Variants in TENM2 observed in about 807,000 individuals in gnomAD.
TENM2 encodes the protein teneurin transmembrane protein 2, also known as teneurin-2.
In TENM2, 52 loss-of-function variants were observed where a neutral mutation model predicts 245.2. The observed-to-expected ratio is 0.21, with a 90% CI of 0.17 to 0.27. The LOEUF (loss-of-function observed/expected upper bound fraction) is 0.27. Ranked by LOEUF, TENM2 falls within the 10% of genes least tolerant of loss-of-function variation. The pLI is 1.00. For synonymous variants in TENM2, 1,363 were observed against 1,438.9 expected, an observed-to-expected ratio of 0.95 and a Z score of 1.19; for missense variants, 3,046 against 3,666.8, an observed-to-expected ratio of 0.83 and a Z score of 4.37.
At chr5:167,966,006 A>G (rs927942968) in intron 4 of TENM2, among the ~76,000 whole-genome samples, 2 of 152,194 alleles carry the variant, frequency 1.3e-5, no homozygotes, top group African/African-American at 4.8e-5. Context: ...AAGTGGCATA[A>G]GGCGAGAAAT....
intron 2 of TENM2, among the ~76,000 whole-genome samples, chr5:167,553,362 G>C (rs1773077848): frequency 6.6e-6 from 1 of 152,158 alleles, no homozygotes; most frequent in South Asian, 2.1e-4. Flanking sequence ...CTAAACTTTT[G>C]ATAGTACTGT....
chr5:168,162,695 G>C, exon 13 of TENM2: 1 of 1,614,072 alleles, frequency 6.2e-7, no homozygotes, highest in Non-Finnish European at 8.5e-7. Flanking sequence ...ACCGGCTGGA[G>C]AGGGCCCGGA....
At chr5:167,727,356 C>T (rs1226163823) in intron 2 of TENM2, among the ~76,000 whole-genome samples, 2 of 152,192 alleles carry the variant, frequency 1.3e-5, no homozygotes, top group South Asian at 4.1e-4. Context: ...TCGTGATCCT[C>T]CCGCCTCAGC....
the TENM2 span, among the ~76,000 whole-genome samples, chr5:167,044,036 A>AAGGAAGGAAG: frequency 2.4e-4 from 31 of 128,596 alleles, no homozygotes; most frequent in East Asian, 4.7e-3. Flanking sequence ...TAGTAAGGAC[A>AAGGAAGGAAG]GAAGGAAGGA....
intron 1 of TENM2, among the ~76,000 whole-genome samples, chr5:167,312,287 C>T (rs564344469): frequency 6.6e-6 from 1 of 152,328 alleles, no homozygotes; most frequent in African/African-American, 2.4e-5. Flanking sequence ...CATACCATCA[C>T]ATGATTTGAC....
chr5:167,006,185 G>C, the TENM2 span, among the ~76,000 whole-genome samples: 5 of 152,030 alleles, frequency 3.3e-5, no homozygotes, highest in Admixed American at 6.6e-5. Context: ...TGGCCAGGCT[G>C]ACCAGATATA....
At chr5:167,533,179 G>A (rs1032344597) in intron 2 of TENM2, among the ~76,000 whole-genome samples, 1 of 152,112 alleles carries the variant, frequency 6.6e-6, no homozygotes, top group Non-Finnish European at 1.5e-5. Context: ...GTGAAAGATA[G>A]TATGGCTTGG....
At chr5:167,417,790 C>G (rs375389742) in intron 2 of TENM2, among the ~76,000 whole-genome samples, 160 of 152,214 alleles carry the variant, frequency 1.1e-3, no homozygotes, top group Non-Finnish European at 2.1e-3. Flanking sequence ...CATCAACTAC[C>G]GTGCAGCACT....
chr5:167,697,777 A>G (rs1033992798), intron 2 of TENM2, among the ~76,000 whole-genome samples: 3 of 152,122 alleles, frequency 2.0e-5, no homozygotes, highest in African/African-American at 7.2e-5. Flanking sequence ...TGCCCGCCTC[A>G]ACTTCCCAAA....
At chr5:167,123,640 C>T in the TENM2 span, among the ~76,000 whole-genome samples, 3 of 152,286 alleles carry the variant, frequency 2.0e-5, no homozygotes, top group Admixed American at 2.0e-4. Context: ...AAAGGGATGC[C>T]TCATATTCTA....
intron 1 of TENM2, among the ~76,000 whole-genome samples, chr5:167,299,537 C>A (rs1198736421): frequency 1.3e-5 from 2 of 152,108 alleles, no homozygotes; most frequent in Non-Finnish European, 2.9e-5. Context: ...AGATGGAACA[C>A]TGAGAAGTTA....
At chr5:167,958,670 C>G (rs970541726) in intron 4 of TENM2, among the ~76,000 whole-genome samples, 1 of 152,100 alleles carries the variant, frequency 6.6e-6, no homozygotes, top group Non-Finnish European at 1.5e-5. Context: ...GTAAGGCAGG[C>G]CTGGTGGTGA....
rs1208688185 is a variant in TENM2, at chr5:168,262,423, G to A, written c.7938G>A (p.Gly2646=). The A allele has an allele frequency of 5.1e-6, 8 of 1,580,740 alleles. No individual in the cohort carries two copies. The South Asian group carries it at 7.0e-5, about 14-fold the overall frequency. Residue 2646 remains glycine (G), a synonymous_variant, in exon 29 of 29, where the codon GGG becomes GGA. Transcript: ENST00000518659. ...TCGGCCGCAAGGTGCTAGAGAGCGGGGTGAACGTGACCGTGTCCCAGCCCA... is the reference window on the plus strand; with the variant it reads ...TCGGCCGCAAGGTGCTAGAGAGCGGAGTGAACGTGACCGTGTCCCAGCCCA...
At chr5:167,782,199 G>A (rs535329106) in intron 2 of TENM2, among the ~76,000 whole-genome samples, 2 of 150,218 alleles carry the variant, frequency 1.3e-5, no homozygotes, top group African/African-American at 4.9e-5. Flanking sequence ...TGTAATCCCA[G>A]CTACTCGGGA....
chr5:167,111,618 T>G, the TENM2 span, among the ~76,000 whole-genome samples: 1 of 152,214 alleles, frequency 6.6e-6, no homozygotes, highest in African/African-American at 2.4e-5. Context: ...TTGTTTTTAA[T>G]AAAACGTATA....
chr5:167,260,463 C>T, the TENM2 span, among the ~76,000 whole-genome samples: 2 of 152,138 alleles, frequency 1.3e-5, no homozygotes, highest in South Asian at 2.1e-4. Context: ...ATGGCTATAT[C>T]TAGGTCTGTG....
At chr5:168,156,862 C>T (rs1020074737) in intron 12 of TENM2, among the ~76,000 whole-genome samples, 1 of 152,162 alleles carries the variant, frequency 6.6e-6, no homozygotes, top group African/African-American at 2.4e-5. Context: ...CAAGAGTAAA[C>T]AAACTAGACA....
the TENM2 span, among the ~76,000 whole-genome samples, chr5:167,040,035 C>T: frequency 1.1e-3 from 164 of 152,242 alleles, 2 homozygotes; most frequent in Non-Finnish European, 2.4e-4. Flanking sequence ...TTCTGTCTGG[C>T]AGCAGAAATA....
chr5:167,954,056 A>G (rs929626055), intron 4 of TENM2, among the ~76,000 whole-genome samples: 1 of 152,198 alleles, frequency 6.6e-6, no homozygotes, highest in African/African-American at 2.4e-5. Flanking sequence ...ACATTAGTTT[A>G]AAAGAATTGG....
Sources: gnomAD v4.1 joint callset for allele counts (sites outside exome capture counted in the v4.1 genomes callset) on GRCh38, gnomAD v4.1.1 for gene constraint, MANE v1.5 for transcripts, NCBI Gene and HGNC (gene_info 2026-07-23, HGNC 2026-07-21) for gene names.